The following RASGRF1 variants were observed in gnomAD, a reference collection of about 807,000 sequenced individuals.
RASGRF1 encodes the protein ras-specific guanine nucleotide-releasing factor 1.
Under a neutral mutation model 138.7 loss-of-function variants are expected in RASGRF1, and 40 were observed. The observed-to-expected ratio is 0.29, with a 90% CI of 0.22 to 0.38. RASGRF1 has a LOEUF of 0.38. RASGRF1 is among the 10% of genes least tolerant of loss of function. The pLI, the probability that RASGRF1 is intolerant of heterozygous loss-of-function variation, is 1.00. For missense variants in RASGRF1, 1,108 were observed against 1,650.4 expected, an observed-to-expected ratio of 0.67 and a Z score of 5.69; for synonymous variants, 614 against 663.2, an observed-to-expected ratio of 0.93 and a Z score of 1.14.
At chr15:79,012,498 T>G (rs377370064) in intron 13 of RASGRF1, 19 of 1,605,846 alleles carry the variant, frequency 1.2e-5, no homozygotes, top group Non-Finnish European at 1.4e-5. Flanking sequence ...CCTGCTCATT[T>G]CTGCTTCCCT....
chr15:78,982,715 T>C (rs1435495317), intron 23 of RASGRF1, among the ~76,000 whole-genome samples: 1 of 152,138 alleles, frequency 6.6e-6, no homozygotes, highest in South Asian at 2.1e-4. Flanking sequence ...AGCAGAGGAC[T>C]TCTGGCTGGA....
Position 79,012,669 on chromosome 15 carries a change from T to G in RASGRF1, c.1826+2658A>C, listed in dbSNP as rs183640687. 2.4e-4 allele frequency: 313 copies of G among 1,328,926 alleles called. 1 individual carries two copies. Among genetic ancestry groups the G allele is most frequent in the Non-Finnish European group, 2.9e-4 (283 of 966,092 alleles). The allele number at this position is 1,328,926 out of a possible 1,614,324, so 82.3% of individuals were successfully genotyped here. On this transcript the variant is annotated intron_variant, in intron 13 of 26. Coordinates refer to ENST00000558480, the MANE Select transcript of RASGRF1 (RefSeq NM_001145648.3). ...TCTTTCATAGGTGATTTTAATTTTA[T>G]TTTTGTTTCATCCGCACTCTCTCTT...
chr15:79,012,326 A>AC (rs1391583111), intron 13 of RASGRF1, among the ~76,000 whole-genome samples: 1 of 152,148 alleles, frequency 6.6e-6, no homozygotes, highest in Non-Finnish European at 1.5e-5. Flanking sequence ...TCCATAAGAA[A>AC]CCATCCTCAA....
chr15:78,962,792 AG>A (rs2055572914), intron 26 of RASGRF1, among the ~76,000 whole-genome samples: 1 of 152,262 alleles, frequency 6.6e-6, no homozygotes, highest in South Asian at 2.1e-4. Context: ...CTGAGGCAGC[AG>A]GATCACTTGA....
chr15:79,017,967 T>G (rs1319578382), intron 11 of RASGRF1, 61 bp from the exon 12 acceptor site: 6 of 1,596,744 alleles, frequency 3.8e-6, no homozygotes, highest in Non-Finnish European at 5.1e-6. Context: ...AGGTGGAAAA[T>G]GTTTTAGTGG....
chr15:79,089,305 A>C (rs1198731332), intron 1 of RASGRF1, among the ~76,000 whole-genome samples: 1 of 152,160 alleles, frequency 6.6e-6, no homozygotes, highest in Admixed American at 6.5e-5. Context: ...GTGGCAAGGG[A>C]CTGGACCAGA....
At chr15:78,994,398 A>T (rs1182578483) in intron 20 of RASGRF1, among the ~76,000 whole-genome samples, 6 of 152,210 alleles carry the variant, frequency 3.9e-5, no homozygotes, top group Non-Finnish European at 7.3e-5. Flanking sequence ...CAGGGGCAGC[A>T]GGGGCCCAGA....
At chr15:79,005,683 G>C in intron 14 of RASGRF1, 1 of 969,566 alleles carries the variant, frequency 1.0e-6, no homozygotes, top group Non-Finnish European at 1.2e-6. Flanking sequence ...CTTAGAGTAG[G>C]AGGTGGTCTA....
At chr15:79,003,705 G>A in intron 15 of RASGRF1, 97 bp downstream of exon 15, 1 of 1,480,830 alleles carries the variant, frequency 6.8e-7, no homozygotes, top group East Asian at 2.3e-5. Context: ...CCTTCCCCAT[G>A]GGAGCAGGAA....
At position 79,004,031 on chromosome 15, in the gene RASGRF1, C is replaced by T; in HGVS notation, c.2220G>A (p.Lys740=). Residue 740 remains lysine, a synonymous_variant, in exon 15 of 27, where the codon AAG becomes AAA. Coordinates refer to ENST00000558480, the MANE Select transcript of RASGRF1 (RefSeq NM_001145648.3). ...TGATGATGGGGATGTTCAGGGAGAG[C>T]TTCCGCCGGCGGCTCGGTGACGATG... ...TKTSSPSRRR[K]LSLNIPIITG... The T allele has an allele frequency of 1.2e-6, 2 of 1,614,192 alleles. No individual in the cohort carries two copies. The highest frequency in any genetic ancestry group is 1.7e-6 in the Non-Finnish European group (2 of 1,180,034).
chr15:78,990,176 C>T lies in RASGRF1; in HGVS notation c.3216+13G>A. The T allele has an allele frequency of 6.4e-7, 1 of 1,565,924 alleles. No homozygotes were observed. Among genetic ancestry groups the T allele is most frequent in the East Asian group, 2.2e-5 (1 of 44,668 alleles). On this transcript the variant is annotated intron_variant, in intron 22 of 26. Coordinates refer to ENST00000558480, the MANE Select transcript of RASGRF1 (RefSeq NM_001145648.3). ...AAAACCCCAGTGAGAGAGGCGCTCC[C>T]ATCCATACTCACGTCATTGAAGTGC...
intron 13 of RASGRF1, among the ~76,000 whole-genome samples, chr15:79,011,026 G>A (rs1423802261): frequency 6.6e-6 from 1 of 152,228 alleles, no homozygotes; most frequent in East Asian, 1.9e-4. Flanking sequence ...AACTCAGCAC[G>A]TTTTGGGAGA....
chr15:79,052,573 G>A (rs2057447286), intron 3 of RASGRF1, among the ~76,000 whole-genome samples: 1 of 152,180 alleles, frequency 6.6e-6, no homozygotes, highest in Non-Finnish European at 1.5e-5. Context: ...AAGGAGGTCA[G>A]GCATTCATAG....
At chr15:79,024,019 T>TCA (rs79187609) in intron 10 of RASGRF1, among the ~76,000 whole-genome samples, 44,228 of 149,204 alleles carry the variant, frequency 0.3, 7,308 homozygotes, top group African/African-American at 0.46. Flanking sequence ...GATACACACA[T>TCA]CACACACACA....
At chr15:79,033,435 G>C (rs1484214369) in intron 6 of RASGRF1, among the ~76,000 whole-genome samples, 1 of 151,914 alleles carries the variant, frequency 6.6e-6, no homozygotes, top group African/African-American at 2.4e-5. Flanking sequence ...GTTTTTTGTA[G>C]AGATAGAGTT....
rs189671058 is a variant in RASGRF1 at position 78,997,139 on chromosome 15, T to C, written c.2966+957A>G. On this transcript the variant is annotated intron_variant, in intron 19 of 26. Transcript: ENST00000558480. ...AGAGCGGGGACTTGCCCAGGTCACA[T>C]GAGTCACTGGCTGAGCATCTCAGAC... Among the ~76,000 whole-genome samples, 276 of 152,328 alleles carry C rather than the reference T, an allele frequency of 1.8e-3. 2 individuals are homozygous for C. The highest frequency in any genetic ancestry group is 6.8e-3 in the Middle Eastern group (2 of 294).
At chr15:79,058,291 T>C (rs1377153941) in intron 3 of RASGRF1, 43 bp downstream of exon 3, 3 of 1,591,066 alleles carry the variant, frequency 1.9e-6, no homozygotes, top group East Asian at 2.2e-5. Context: ...GGGTTTGAGA[T>C]GTTGTGCCTA....
chr15:79,072,570 C>T (rs866192569), intron 1 of RASGRF1, among the ~76,000 whole-genome samples: 3 of 152,192 alleles, frequency 2.0e-5, no homozygotes, highest in South Asian at 2.1e-4. Context: ...CCACCGCGCC[C>T]GGCCAATAAA....
chr15:79,086,322 G>A (rs965524671), intron 1 of RASGRF1, among the ~76,000 whole-genome samples: 4 of 152,182 alleles, frequency 2.6e-5, no homozygotes, highest in Non-Finnish European at 5.9e-5. Flanking sequence ...GGTGTGCTTT[G>A]TGGTGACAAC....
Sources: gnomAD v4.1 joint callset for allele counts (sites outside exome capture counted in the v4.1 genomes callset) on GRCh38, gnomAD v4.1.1 for gene constraint, MANE v1.5 for transcripts, NCBI Gene and HGNC (gene_info 2026-07-23, HGNC 2026-07-21) for gene names.